CTNNA3: variants seen among roughly 807,000 people sequenced by gnomAD.
CTNNA3 encodes the protein catenin alpha-3.
Under a neutral mutation model 95.7 loss-of-function variants are expected in CTNNA3, and 76 were observed. The observed-to-expected ratio is 0.79, with a 90% CI of 0.66 to 0.96. The LOEUF is 0.96. Among genes scored for constraint, CTNNA3 ranks in the 40% least tolerant of loss-of-function variants. The pLI is 0.00. For synonymous variants in CTNNA3, 431 were observed against 374.4 expected, an observed-to-expected ratio of 1.15 and a Z score of -1.74; for missense variants, 1,191 against 1,089.8, an observed-to-expected ratio of 1.09 and a Z score of -1.31.
intron 10 of CTNNA3, among the ~76,000 whole-genome samples, chr10:66,593,735 G>T (rs973839580): frequency 1.3e-5 from 2 of 152,078 alleles, no homozygotes; most frequent in Non-Finnish European, 2.9e-5. Flanking sequence ...TCTCAAGCAG[G>T]AATTGCCATA....
At chr10:67,652,742 T>G (rs986700936) in intron 1 of CTNNA3, among the ~76,000 whole-genome samples, 5 of 142,950 alleles carry the variant, frequency 3.5e-5, no homozygotes, top group Non-Finnish European at 7.5e-5. Context: ...CCCTTAATCT[T>G]TGTTCCACCC....
chr10:67,098,547 G>T (rs1858150399), intron 7 of CTNNA3: 2 of 152,212 alleles, frequency 1.3e-5, no homozygotes, highest in Admixed American at 1.3e-4. Context: ...GCAGTGAAAT[G>T]TAATGATAAA....
chr10:67,079,858 A>AACACACACACAC (rs199928311), intron 7 of CTNNA3, among the ~76,000 whole-genome samples: 1 of 141,266 alleles, frequency 7.1e-6, no homozygotes, highest in South Asian at 2.4e-4. Flanking sequence ...AAAAAAACAA[A>AACACACACACAC]ACACACACAC....
At chr10:67,500,296 T>C (rs895384482) in intron 5 of CTNNA3, among the ~76,000 whole-genome samples, 1 of 152,120 alleles carries the variant, frequency 6.6e-6, no homozygotes, top group African/African-American at 2.4e-5. Context: ...TCTGAGAGAC[T>C]GTTTGTTAAG....
rs199611889 is a variant in CTNNA3, at chr10:66,961,908, TTGA to T, written c.1048-186387_1048-186385del. 3.5e-3 allele frequency among the ~76,000 whole-genome samples: 538 copies of T among 152,288 alleles called. 6 individuals are homozygous for T. The highest frequency in any genetic ancestry group is 0.012 in the African/African-American group (501 of 41,572). On this transcript the variant is annotated intron_variant, in intron 7 of 17. Transcript: ENST00000433211. ...GGAGGCCAAATGTTTGAAGTCATTC[TTGA>T]TGTTTTTCCTTCTCTCTCAAAGCCA...
intron 15 of CTNNA3, among the ~76,000 whole-genome samples, chr10:66,039,199 G>T (rs997222563): frequency 6.6e-6 from 1 of 152,142 alleles, no homozygotes; most frequent in East Asian, 1.9e-4. Flanking sequence ...GGAGGTGAAA[G>T]ATATCTACAA....
chr10:67,350,531 T>TA (rs542178881), intron 5 of CTNNA3, among the ~76,000 whole-genome samples: 129 of 132,414 alleles, frequency 9.7e-4, no homozygotes, highest in Middle Eastern at 4.0e-3. Context: ...ATTATAACCA[T>TA]AAAGATCTGT....
intron 5 of CTNNA3, among the ~76,000 whole-genome samples, chr10:67,335,886 GTT>G (rs1350953222): frequency 1.4e-5 from 2 of 146,976 alleles, no homozygotes; most frequent in Non-Finnish European, 3.0e-5. Flanking sequence ...CACAAATAGT[GTT>G]TTTTTTTTTT....
chr10:67,052,442 T>G (rs2133190736), intron 7 of CTNNA3, among the ~76,000 whole-genome samples: 1 of 152,176 alleles, frequency 6.6e-6, no homozygotes, highest in South Asian at 2.1e-4. Context: ...CGAAATGGGC[T>G]TCACAAATAG....
rs79547148 is a variant in CTNNA3, at chr10:67,184,154, C to G, written c.844-3634G>C. ...AACGCTTTGGCCAACTTTCTTAAAA[C>G]ACTCTTATAATAAGTAGTTATCATT... On this transcript the variant is annotated intron_variant, in intron 6 of 17. Coordinates refer to ENST00000433211, the MANE Select transcript of CTNNA3 (RefSeq NM_013266.4). Among the ~76,000 whole-genome samples the G allele has an allele frequency of 1.3e-3, 203 of 152,312 alleles. 3 individuals are homozygous for G. In the East Asian group the frequency reaches 0.037, roughly 28 times the overall value.
At chr10:66,199,442 A>G (rs1564755049) in intron 13 of CTNNA3, among the ~76,000 whole-genome samples, 1 of 150,940 alleles carries the variant, frequency 6.6e-6, no homozygotes, top group African/African-American at 2.4e-5. Flanking sequence ...AAAGTGTCAT[A>G]CTAACACACA....
intron 1 of CTNNA3, among the ~76,000 whole-genome samples, chr10:67,650,454 C>G (rs1220666959): frequency 6.6e-6 from 1 of 152,148 alleles, no homozygotes; most frequent in Non-Finnish European, 1.5e-5. Flanking sequence ...AATCTCTTGA[C>G]AGTGGTGATA....
intron 12 of CTNNA3, among the ~76,000 whole-genome samples, chr10:66,323,682 G>A (rs1589086061): frequency 6.6e-6 from 1 of 151,398 alleles, no homozygotes; most frequent in East Asian, 1.9e-4. Flanking sequence ...AGAAGAAGAG[G>A]GCAGTTCCCC....
intron 2 of CTNNA3, among the ~76,000 whole-genome samples, chr10:67,626,698 T>C (rs1589504993): frequency 6.6e-6 from 1 of 152,160 alleles, no homozygotes; most frequent in African/African-American, 2.4e-5. Flanking sequence ...GTCTGAAATC[T>C]CTACTCTTTT....
At chr10:67,037,984 TA>T (rs1041253502) in intron 7 of CTNNA3, among the ~76,000 whole-genome samples, 1 of 152,014 alleles carries the variant, frequency 6.6e-6, no homozygotes, top group Non-Finnish European at 1.5e-5. Context: ...TTAACATGAA[TA>T]AACAGAAAAA....
intron 5 of CTNNA3, among the ~76,000 whole-genome samples, chr10:67,478,027 A>C (rs1848083181): frequency 6.6e-6 from 1 of 152,218 alleles, no homozygotes; most frequent in East Asian, 1.9e-4. Flanking sequence ...TGCTTAAGAA[A>C]TTTCAAAATA....
intron 3 of CTNNA3, among the ~76,000 whole-genome samples, chr10:67,592,469 G>A (rs755329819): frequency 1.3e-5 from 2 of 151,770 alleles, no homozygotes; most frequent in South Asian, 4.2e-4. Flanking sequence ...CGAACTATGG[G>A]AGCAAAAAAG....
intron 12 of CTNNA3, among the ~76,000 whole-genome samples, chr10:66,316,114 T>G (rs1038525906): frequency 1.3e-5 from 2 of 152,182 alleles, no homozygotes; most frequent in East Asian, 3.9e-4. Flanking sequence ...ATATTGAGTA[T>G]TGAAATAAAT....
intron 7 of CTNNA3, among the ~76,000 whole-genome samples, chr10:66,841,982 A>G (rs770019451): frequency 6.6e-5 from 10 of 152,084 alleles, no homozygotes; most frequent in Non-Finnish European, 1.3e-4. Context: ...CTCTGTCACT[A>G]AGGCTGGAGT....
Sources: allele counts gnomAD v4.1 joint callset (sites outside exome capture counted in the v4.1 genomes callset), GRCh38; gene constraint gnomAD v4.1.1; transcripts MANE v1.5; gene names NCBI Gene and HGNC (gene_info 2026-07-23, HGNC 2026-07-21).